EIF2B2: variants seen among roughly 807,000 people sequenced by gnomAD.
The protein encoded by EIF2B2 is eukaryotic translation initiation factor 2B subunit beta, also known as translation initiation factor eIF2B subunit beta.
In EIF2B2, 34 loss-of-function variants were observed where a neutral mutation model predicts 34.7. The ratio of observed to expected loss-of-function variants is 0.98; its 90% CI spans 0.75 to 1.31. The LOEUF (loss-of-function observed/expected upper bound fraction) is 1.31. Ranked by LOEUF, EIF2B2 falls within the 50% of genes most tolerant of loss-of-function variation. The probability of loss-of-function intolerance (pLI) is 0.00; values close to 1 mark genes in which losing one functional copy is unlikely to be tolerated. For missense variants in EIF2B2, 361 were observed against 447.7 expected, an observed-to-expected ratio of 0.81 and a Z score of 1.75; for synonymous variants, 155 against 171.6, an observed-to-expected ratio of 0.90 and a Z score of 0.76.
At chr14:75,008,280 C>T (rs953065540) in intron 7 of EIF2B2, 8 of 193,210 alleles carry the variant, frequency 4.1e-5, no homozygotes, top group Non-Finnish European at 8.6e-5. Context: ...CGCGTGCAGC[C>T]TCATCAGCAA....
Position 75,006,969 on chromosome 14 carries a change from C to T in EIF2B2, c.831+255C>T, listed in dbSNP as rs775803992. ...GTAGTTGGGAAAGGTCCTTTGCTTA[C>T]GATTGCCACCACTCCCTGTCGCCTG... On this transcript the variant is annotated intron_variant, in intron 6 of 7. Transcript: ENST00000266126. The surrounding 1 kb of genome is among the most constrained non-coding windows in gnomAD (Gnocchi z 4.1). The T allele has an allele frequency of 6.5e-5, 41 of 627,576 alleles. No individual in the cohort carries two copies. The highest frequency in any genetic ancestry group is 3.4e-4 in the East Asian group (10 of 29,086). The allele number at this position is 627,576 out of a possible 1,614,324, so 38.9% of individuals were successfully genotyped here. A position where few individuals can be genotyped will look rare whatever the true frequency, so the allele number is the denominator to read the frequency against.
In EIF2B2 at chr14:75,004,729, T is replaced by G; in HGVS notation, c.434-8T>G. ...TTTTTTTTTTTTTTTGCAAAACCGTTCTTACAGAAGGGACAATGGAGAACA... is the reference window on the plus strand; with the variant it reads ...TTTTTTTTTTTTTTTGCAAAACCGTGCTTACAGAAGGGACAATGGAGAACA... On this transcript the variant is annotated splice_polypyrimidine_tract_variant and splice_region_variant and intron_variant, in intron 3 of 7. Transcript: ENST00000266126. 1.0e-6 allele frequency: 1 copy of G among 998,474 alleles called. No homozygotes were observed. The highest frequency in any genetic ancestry group is 2.8e-5 in the East Asian group (1 of 35,274). The allele number at this position is 998,474 out of a possible 1,614,324, so 61.9% of individuals were successfully genotyped here.
Position 75,003,656 on chromosome 14 carries a change from G to A in EIF2B2, c.390G>A (p.Gln130=), listed in dbSNP as rs1370984339. 6 of 1,614,082 alleles carry A rather than the reference G, an allele frequency of 3.7e-6. No individual in the cohort carries two copies. The highest frequency in any genetic ancestry group is 5.1e-6 in the Non-Finnish European group (6 of 1,180,052). ...TCAGCTTCCATTATGCCCAACTCCA[G>A]TCCAACATCATTGAGGCGATTAATG... ...EDFSFHYAQL[Q]SNIIEAINEL... The change falls in exon 3 of 8, where the codon CAG becomes CAA. Residue 130 remains glutamine, a synonymous_variant. Transcript: ENST00000266126.
In EIF2B2 at chr14:75,011,740, C is replaced by G. The variant is rs1229055480; in HGVS notation, c.*2552C>G. On this transcript the variant is annotated 3_prime_UTR_variant, in exon 8 of 8. Transcript: ENST00000266126. ...TTCTCAGTGAAGTGGCTTGTAGCTA[C>G]CAATTACGAGCAATTGTCTCCTCCA... The G allele has an allele frequency of 6.6e-6, 1 of 152,192 alleles. No homozygotes were observed. Among genetic ancestry groups the G allele is most frequent in the East Asian group, 1.9e-4 (1 of 5,196 alleles). The allele number at this position is 152,192 out of a possible 1,614,324, so 9.4% of individuals were successfully genotyped here. A position where few individuals can be genotyped will look rare whatever the true frequency, so the allele number is the denominator to read the frequency against.
chr14:75,007,640 GAC>G (rs1251618179), intron 6 of EIF2B2, 80 bp from the exon 7 acceptor site: 1 of 1,194,198 alleles, frequency 8.4e-7, no homozygotes, highest in African/African-American at 1.5e-5. Flanking sequence ...TTTCTGTGTG[GAC>G]ATATGTTTTC....
In EIF2B2 at chr14:75,006,736, T is replaced by A; in HGVS notation, c.831+22T>A. ...ACAGGTAAGTGTGTCTGTCTCTAGC[T>A]AGAAGCCAGCAGAAAAGAAGGAAGC... On this transcript the variant is annotated intron_variant, in intron 6 of 7. Coordinates refer to ENST00000266126, the MANE Select transcript of EIF2B2 (RefSeq NM_014239.4). This position sits in a 1 kb window ranked among gnomAD's most constrained non-coding sequence, Gnocchi z 4.1. The A allele has an allele frequency of 6.2e-7, 1 of 1,613,998 alleles. No homozygotes were observed. The highest frequency in any genetic ancestry group is 1.1e-5 in the South Asian group (1 of 91,082).
chr14:75,008,051 T>A (rs1490559957), intron 7 of EIF2B2: 1 of 427,398 alleles, frequency 2.3e-6, no homozygotes, highest in Non-Finnish European at 4.3e-6. Context: ...TTTAGCATTG[T>A]CTGGGTTTGG....
intron 7 of EIF2B2, 111 bp from the exon 8 acceptor site, chr14:75,008,920 C>T (rs539011059): frequency 1.3e-5 from 18 of 1,434,642 alleles, no homozygotes; most frequent in East Asian, 4.6e-5. Context: ...CATAGCTTCC[C>T]GTCCTTGGGG....
chr14:75,008,938 A>G, intron 7 of EIF2B2, 93 bp from the exon 8 acceptor site: 1 of 1,546,460 alleles, frequency 6.5e-7, no homozygotes, highest in African/African-American at 1.4e-5. Flanking sequence ...GGGAGCTAAT[A>G]TGCCTGCATT....
intron 6 of EIF2B2, 21 bp from the exon 7 acceptor site, chr14:75,007,701 T>C: frequency 1.2e-6 from 2 of 1,609,404 alleles, no homozygotes; most frequent in Non-Finnish European, 1.7e-6. Flanking sequence ...CTCTAGTTTT[T>C]ATAAATTTTT....
Position 75,006,470 on chromosome 14 carries a change from C to T in EIF2B2, c.694-107C>T. Reference sequence around the variant, plus strand: ...CCCTTCACCTCTACCAGTCTGTGACCCCTCACGATACCAATTCTGAGGTCT... The same window carrying T: ...CCCTTCACCTCTACCAGTCTGTGACTCCTCACGATACCAATTCTGAGGTCT... On this transcript the variant is annotated intron_variant, in intron 5 of 7. Coordinates refer to ENST00000266126, the MANE Select transcript of EIF2B2 (RefSeq NM_014239.4). This position sits in a 1 kb window ranked among gnomAD's most constrained non-coding sequence, Gnocchi z 4.1. 6.6e-7 allele frequency: 1 copy of T among 1,505,138 alleles called. No individual in the cohort carries two copies. The highest frequency in any genetic ancestry group is 1.1e-5 in the South Asian group (1 of 87,934). 93.2% of individuals were successfully genotyped at this position (1,505,138 alleles called of 1,614,324 possible). A position where few individuals can be genotyped will look rare whatever the true frequency, so the allele number is the denominator to read the frequency against.
rs1386325612 is a variant in EIF2B2, at chr14:75,010,159, T to C, written c.*971T>C. ...TGATTCCGATCACTCACTCACACAG[T>C]CTTGGGTTTCATCTCAGTCCTACTG... On this transcript the variant is annotated 3_prime_UTR_variant, in exon 8 of 8. Coordinates refer to ENST00000266126, the MANE Select transcript of EIF2B2 (RefSeq NM_014239.4). The C allele has an allele frequency of 1.3e-5, 2 of 152,120 alleles. No individual in the cohort carries two copies. The highest frequency in any genetic ancestry group is 2.9e-5 in the Non-Finnish European group (2 of 68,028). The allele number at this position is 152,120 out of a possible 1,614,324, so 9.4% of individuals were successfully genotyped here.
In EIF2B2 at chr14:75,006,820, C is replaced by T. The variant is rs1281936730; in HGVS notation, c.831+106C>T. 2 of 1,479,604 alleles carry T rather than the reference C, an allele frequency of 1.4e-6. No homozygotes were observed. The highest frequency in any genetic ancestry group is 1.9e-6 in the Non-Finnish European group (2 of 1,068,136). 91.7% of individuals were successfully genotyped at this position (1,479,604 alleles called of 1,614,324 possible). ...ACCTCACTCCAGGGCCTCCATTTAT[C>T]TGCATTTACTCAATGGATTACACCC... is the stretch of plus-strand genomic sequence containing the variant. On this transcript the variant is annotated intron_variant, in intron 6 of 7. Coordinates refer to ENST00000266126, the MANE Select transcript of EIF2B2 (RefSeq NM_014239.4). The surrounding 1 kb of genome is among the most constrained non-coding windows in gnomAD (Gnocchi z 4.1).
rs1889558471 is a variant in EIF2B2, at chr14:75,002,942, T to C, written c.-49T>C. The C allele has an allele frequency of 1.9e-6, 3 of 1,612,616 alleles. No homozygotes were observed. Among genetic ancestry groups the C allele is most frequent in the Non-Finnish European group, 2.5e-6 (3 of 1,179,856 alleles). ...CCCCGGAAGTGCAAACTGTGTGGTC[T>C]GGCAGGTGTGGATTCCGCCGGTGAA... On this transcript the variant is annotated 5_prime_UTR_variant, in exon 1 of 8. Transcript: ENST00000266126.
intron 6 of EIF2B2, chr14:75,007,026 GTAGGATCA>G: frequency 1.9e-6 from 1 of 523,752 alleles, no homozygotes; most frequent in Non-Finnish European, 3.7e-6. Context: ...CAGGTTGAAA[GTAGGATCA>G]TAGAATCAGT....
In EIF2B2 at chr14:75,009,985, T is replaced by TGATA; in HGVS notation, c.*800_*803dup. 1 of 152,376 alleles carries TGATA rather than the reference T, an allele frequency of 6.6e-6. No homozygotes were observed. Among genetic ancestry groups the TGATA allele is most frequent in the South Asian group, 2.1e-4 (1 of 4,830 alleles). The allele number at this position is 152,376 out of a possible 1,614,324, so 9.4% of individuals were successfully genotyped here. On this transcript the variant is annotated 3_prime_UTR_variant, in exon 8 of 8. Coordinates refer to ENST00000266126, the MANE Select transcript of EIF2B2 (RefSeq NM_014239.4). Reference sequence around the variant, plus strand: ...TTGTACCACTGCACTCCTGCCTGGATGATAGAGCAAGACTCTGTCTCTAAA... The same window carrying TGATA: ...TTGTACCACTGCACTCCTGCCTGGATGATAGATAGAGCAAGACTCTGTCTCTAAA...
chr14:75,003,674 G>A lies in EIF2B2; in HGVS notation c.408G>A (p.Ala136=), dbSNP rs772320060. The change falls in exon 3 of 8, where the codon GCG becomes GCA. Residue 136 remains alanine (A), a synonymous_variant. Coordinates refer to ENST00000266126, the MANE Select transcript of EIF2B2 (RefSeq NM_014239.4). ...YAQLQSNIIE[A]INELLVELEG... ...AACTCCAGTCCAACATCATTGAGGC[G>A]ATTAATGAGCTGCTAGTGGAGCTGG... 1 of 1,614,178 alleles carries A rather than the reference G, an allele frequency of 6.2e-7. No homozygotes were observed. Among genetic ancestry groups the A allele is most frequent in the South Asian group, 1.1e-5 (1 of 91,084 alleles).
In EIF2B2 at chr14:75,003,602, G is replaced by T. The variant is rs1321564012; in HGVS notation, c.336G>T (p.Leu112=). Residue 112 remains leucine, a synonymous_variant, in exon 3 of 8, where the codon CTG becomes CTT. Transcript: ENST00000266126. ...ESDQQESLHK[L]LTSGGLNEDF... ...ATCAGCAGGAGTCCCTGCACAAACT[G>T]TTGACATCCGGAGGCCTAAACGAGG... is the stretch of plus-strand genomic sequence containing the variant. 6.2e-7 allele frequency: 1 copy of T among 1,614,184 alleles called. No homozygotes were observed. The highest frequency in any genetic ancestry group is 1.7e-5 in the Admixed American group (1 of 60,014).
Position 75,003,152 on chromosome 14 carries a change from G to A in EIF2B2, c.162G>A (p.Ala54=), listed in dbSNP as rs761260701. The change falls in exon 1 of 8, where the codon GCG becomes GCA. Residue 54 remains alanine, a splice_region_variant and synonymous_variant. Transcript: ENST00000266126. ...TCACGGACCACCGCTGGAGCAACGC[G>A]GGTGAGGCCGGCCTGCCTCCGCCGG... ...QIITDHRWSN[A]GELMELIRRE... 7 of 1,613,334 alleles carry A rather than the reference G, an allele frequency of 4.3e-6. No homozygotes were observed. In the South Asian group the frequency reaches 7.7e-5, roughly 18 times the overall value.
Sources: gnomAD v4.1 joint callset for allele counts on GRCh38, gnomAD v4.1.1 for gene constraint, Gnocchi (gnomAD v3.1) non-coding constraint, MANE v1.5 for transcripts, NCBI Gene and HGNC (gene_info 2026-07-23, HGNC 2026-07-21) for gene names.